Variants in UNC13C observed in about 807,000 individuals in gnomAD.
UNC13C encodes the protein unc-13 homolog C, also known as protein unc-13 homolog C.
Under a neutral mutation model 245.4 loss-of-function variants are expected in UNC13C, and 174 were observed. The ratio of observed to expected loss-of-function variants is 0.71; its 90% CI spans 0.63 to 0.80. The LOEUF (loss-of-function observed/expected upper bound fraction) is 0.80, where lower values mean the gene tolerates loss of function less well. Among genes scored for constraint, UNC13C ranks in the 30% least tolerant of loss-of-function variants. The probability of loss-of-function intolerance (pLI) is 0.00; values close to 1 mark genes in which losing one functional copy is unlikely to be tolerated. For missense variants in UNC13C, 2,829 were observed against 2,602.9 expected (o/e 1.09, Z -1.89); for synonymous variants, 992 against 895.1 (o/e 1.11, Z -1.93).
At position 54,184,674 on chromosome 15, in the gene UNC13C, A is replaced by C. The variant is rs186896276; in HGVS notation, c.3071+40990A>C. On this transcript the variant is annotated intron_variant, in intron 4 of 32. Transcript: ENST00000260323. ...TCTTAATCCAGTCCATCATCGTTGG[A>C]CATTTGGGTTGGTTCCAAGTCTTTG... Among the ~76,000 whole-genome samples the C allele has an allele frequency of 5.4e-3, 821 of 152,264 alleles. 6 individuals are homozygous for C. The highest frequency in any genetic ancestry group is 0.019 in the African/African-American group (793 of 41,534).
At chr15:54,336,345 G>A (rs757437991) in intron 16 of UNC13C, among the ~76,000 whole-genome samples, 10 of 150,460 alleles carry the variant, frequency 6.6e-5, no homozygotes, top group Non-Finnish European at 1.2e-4. Flanking sequence ...CAGTAGTCTC[G>A]AGTTTTGAGA....
At chr15:54,254,817 C>T (rs527849942) in intron 8 of UNC13C, among the ~76,000 whole-genome samples, 1 of 152,290 alleles carries the variant, frequency 6.6e-6, no homozygotes, top group East Asian at 1.9e-4. Flanking sequence ...ATTTTCAGTG[C>T]TGTCTCACTT....
intron 13 of UNC13C, among the ~76,000 whole-genome samples, chr15:54,303,578 A>G (rs2037644497): frequency 6.8e-6 from 1 of 147,636 alleles, no homozygotes; most frequent in Non-Finnish European, 1.5e-5. Flanking sequence ...ATTACATTGT[A>G]TAATGTAACT....
At chr15:54,117,043 A>G (rs866706169) in intron 2 of UNC13C, among the ~76,000 whole-genome samples, 2 of 152,112 alleles carry the variant, frequency 1.3e-5, no homozygotes, top group South Asian at 2.1e-4. Context: ...AGTTTTTTTC[A>G]TATACCATTT....
At chr15:53,914,609 A>G in the UNC13C span, 6 of 152,780 alleles carry the variant, frequency 3.9e-5, no homozygotes, top group African/African-American at 1.4e-4. Flanking sequence ...AGCAGGGGCC[A>G]CAGAGCGGGA....
the UNC13C span, among the ~76,000 whole-genome samples, chr15:53,919,336 G>T: frequency 6.6e-6 from 1 of 152,196 alleles, no homozygotes; most frequent in African/African-American, 2.4e-5. Context: ...ACGAACATCA[G>T]TTATTGGCAT....
the UNC13C span, among the ~76,000 whole-genome samples, chr15:53,950,459 A>G: frequency 0.039 from 5,780 of 149,432 alleles, 185 homozygotes; most frequent in Admixed American, 0.08. Flanking sequence ...AGGATTGGAT[A>G]TTTAGTAGCT....
the UNC13C span, among the ~76,000 whole-genome samples, chr15:53,839,303 T>G: frequency 1.4e-4 from 21 of 152,112 alleles, no homozygotes; most frequent in Admixed American, 1.4e-3. Context: ...ATGAACAGGA[T>G]GAAAGGGCAA....
At chr15:54,581,889 T>C (rs16974859) in intron 30 of UNC13C, among the ~76,000 whole-genome samples, 40,195 of 151,992 alleles carry the variant, frequency 0.26, 6,753 homozygotes, top group East Asian at 0.55. Context: ...AAGAAGTAGA[T>C]TGTCATCAGA....
At chr15:54,362,824 G>A (rs575543652) in intron 17 of UNC13C, among the ~76,000 whole-genome samples, 1 of 152,248 alleles carries the variant, frequency 6.6e-6, no homozygotes, top group East Asian at 1.9e-4. Flanking sequence ...GGTGTTCTAC[G>A]AGTACATAGG....
intron 1 of UNC13C, among the ~76,000 whole-genome samples, chr15:53,995,203 A>G (rs984988697): frequency 6.6e-5 from 10 of 152,124 alleles, no homozygotes. Flanking sequence ...TAGAAGATAG[A>G]TGCAGACATA....
At chr15:54,248,414 C>A (rs924408865) in intron 7 of UNC13C, among the ~76,000 whole-genome samples, 1 of 152,074 alleles carries the variant, frequency 6.6e-6, no homozygotes, top group African/African-American at 2.4e-5. Flanking sequence ...AGGATTATTT[C>A]ATTTATTTTA....
intron 4 of UNC13C, among the ~76,000 whole-genome samples, chr15:54,182,166 G>A (rs552929239): frequency 7.2e-5 from 11 of 152,072 alleles, no homozygotes; most frequent in African/African-American, 1.9e-4. Context: ...TGTTGCCTCC[G>A]TGTTTATCAT....
intron 19 of UNC13C, among the ~76,000 whole-genome samples, chr15:54,440,371 C>A (rs2140989021): frequency 6.6e-6 from 1 of 152,044 alleles, no homozygotes; most frequent in South Asian, 2.1e-4. Context: ...ATGAGAATCA[C>A]CTTTTTAGCT....
chr15:53,928,742 T>C, the UNC13C span, among the ~76,000 whole-genome samples: 1 of 152,256 alleles, frequency 6.6e-6, no homozygotes, highest in Non-Finnish European at 1.5e-5. Context: ...AGTGCATTTC[T>C]GGAGGTACTG....
the UNC13C span, among the ~76,000 whole-genome samples, chr15:53,960,430 C>T: frequency 6.7e-6 from 1 of 149,320 alleles, no homozygotes; most frequent in South Asian, 2.1e-4. Context: ...CTTTTGTATT[C>T]TTTGTCTTGT....
At chr15:53,901,666 G>A in the UNC13C span, among the ~76,000 whole-genome samples, 2 of 151,864 alleles carry the variant, frequency 1.3e-5, no homozygotes, top group Non-Finnish European at 2.9e-5. Flanking sequence ...TGTCTTTATT[G>A]TAAATTGTTT....
chr15:53,871,874 G>C, the UNC13C span, among the ~76,000 whole-genome samples: 1 of 152,192 alleles, frequency 6.6e-6, no homozygotes, highest in African/African-American at 2.4e-5. Flanking sequence ...GCTTGTGTTT[G>C]AACTCTTCAA....
chr15:54,260,668 TATG>T (rs1265062350), intron 8 of UNC13C, among the ~76,000 whole-genome samples: 1 of 148,134 alleles, frequency 6.8e-6, no homozygotes, highest in Admixed American at 6.8e-5. Flanking sequence ...TAACTTTATA[TATG>T]TATGTTTTAT....
Sources: allele counts gnomAD v4.1 joint callset (sites outside exome capture counted in the v4.1 genomes callset), GRCh38; gene constraint gnomAD v4.1.1; transcripts MANE v1.5; gene names NCBI Gene and HGNC (gene_info 2026-07-23, HGNC 2026-07-21).